GPC5: variants seen among roughly 807,000 people sequenced by gnomAD.
GPC5 encodes glypican-5.
In GPC5, 47 loss-of-function variants were observed where a neutral mutation model predicts 53.9. The ratio of observed to expected loss-of-function variants is 0.87; its 90% CI spans 0.69 to 1.11. The LOEUF (loss-of-function observed/expected upper bound fraction) is 1.11. Among genes scored for constraint, GPC5 ranks in the 50% most tolerant of loss-of-function variants. GPC5 has a pLI of 0.00. For synonymous variants in GPC5, 286 were observed against 263.3 expected (o/e 1.09, Z -0.84); for missense variants, 748 against 713.1 (o/e 1.05, Z -0.56).
At chr13:91,807,658 G>A (rs2038242940) in intron 5 of GPC5, among the ~76,000 whole-genome samples, 1 of 152,032 alleles carries the variant, frequency 6.6e-6, no homozygotes, top group Admixed American at 6.6e-5. Flanking sequence ...GCATTTTTGA[G>A]GAATGACAAT....
chr13:92,023,671 C>CACAG (rs2040776954), intron 6 of GPC5, among the ~76,000 whole-genome samples: 2 of 103,044 alleles, frequency 1.9e-5, no homozygotes, highest in Non-Finnish European at 4.3e-5. Context: ...TGAGGACACA[C>CACAG]ACACACACAC....
At chr13:91,441,119 A>G (rs1363580542) in intron 1 of GPC5, among the ~76,000 whole-genome samples, 1 of 152,030 alleles carries the variant, frequency 6.6e-6, no homozygotes, top group Non-Finnish European at 1.5e-5. Context: ...CTTCCTTCAA[A>G]TATTGACTCC....
intron 7 of GPC5, among the ~76,000 whole-genome samples, chr13:92,720,326 G>A (rs1888471691): frequency 6.6e-6 from 1 of 152,140 alleles, no homozygotes; most frequent in Admixed American, 6.6e-5. Context: ...AAACTAGACT[G>A]AGATAATAAA....
At chr13:92,414,703 G>A (rs893599484) in intron 7 of GPC5, among the ~76,000 whole-genome samples, 3 of 152,102 alleles carry the variant, frequency 2.0e-5, no homozygotes, top group South Asian at 2.1e-4. Flanking sequence ...ACTTATAAAC[G>A]ACAAAAATTT....
intron 7 of GPC5, among the ~76,000 whole-genome samples, chr13:92,477,362 G>T (rs1201918972): frequency 2.0e-5 from 3 of 152,068 alleles, no homozygotes; most frequent in Admixed American, 6.6e-5. Flanking sequence ...CAATACTTTA[G>T]AGTCCTCAGC....
In GPC5 at chr13:92,257,840, A is replaced by G. The variant is rs183607899; in HGVS notation, c.1561+112851A>G. 3.3e-3 allele frequency among the ~76,000 whole-genome samples: 504 copies of G among 152,044 alleles called. 6 individuals are homozygous for G. The highest frequency in any genetic ancestry group is 0.012 in the African/African-American group (490 of 41,446). ...GCTGGGATTACAGGCCTGAGCCACCACGCCTGGCCTACAGGGGTGTTTAGA... is the reference window on the plus strand; with the variant it reads ...GCTGGGATTACAGGCCTGAGCCACCGCGCCTGGCCTACAGGGGTGTTTAGA... On this transcript the variant is annotated intron_variant, in intron 7 of 7. Transcript: ENST00000377067.
intron 2 of GPC5, among the ~76,000 whole-genome samples, chr13:91,641,793 T>C (rs1055635107): frequency 4.6e-5 from 7 of 152,206 alleles, no homozygotes; most frequent in Admixed American, 4.6e-4. Context: ...TGGATGCTTT[T>C]CTAAGGAGTC....
intron 7 of GPC5, among the ~76,000 whole-genome samples, chr13:92,344,481 C>T (rs2043394066): frequency 6.6e-6 from 1 of 152,098 alleles, no homozygotes; most frequent in Non-Finnish European, 1.5e-5. Context: ...AAGGACTTCA[C>T]CCAAAATTTG....
Position 92,028,714 on chromosome 13 carries a change from T to C in GPC5, c.1402-116116T>C, listed in dbSNP as rs760485848. On this transcript the variant is annotated intron_variant, in intron 6 of 7. Transcript: ENST00000377067. Reference sequence around the variant, plus strand: ...CACTTAAAATATAATCTTGTCACTCTACTAACTCTTTTGAATATCTGTGGT... The same window carrying C: ...CACTTAAAATATAATCTTGTCACTCCACTAACTCTTTTGAATATCTGTGGT... 6.4e-4 allele frequency among the ~76,000 whole-genome samples: 98 copies of C among 152,234 alleles called. 2 individuals carry two copies. The highest frequency in any genetic ancestry group is 2.4e-4 in the Non-Finnish European group (16 of 68,042).
chr13:92,279,393 G>T (rs899591571), intron 7 of GPC5, among the ~76,000 whole-genome samples: 1 of 151,976 alleles, frequency 6.6e-6, no homozygotes, highest in Non-Finnish European at 1.5e-5. Flanking sequence ...TACTGGATTT[G>T]TTAAATATTG....
chr13:92,338,871 C>T (rs1259372267), intron 7 of GPC5, among the ~76,000 whole-genome samples: 1 of 151,904 alleles, frequency 6.6e-6, no homozygotes, highest in East Asian at 1.9e-4. Flanking sequence ...ACAGTAAATC[C>T]TAACGTAAAC....
At chr13:92,320,686 G>A (rs530761870) in intron 7 of GPC5, among the ~76,000 whole-genome samples, 18 of 152,132 alleles carry the variant, frequency 1.2e-4, no homozygotes, top group East Asian at 5.8e-4. Context: ...TAATCAAAGC[G>A]GCAACCTTCT....
At chr13:91,465,255 A>G (rs532407599) in intron 2 of GPC5, among the ~76,000 whole-genome samples, 7 of 152,302 alleles carry the variant, frequency 4.6e-5, no homozygotes, top group Non-Finnish European at 1.0e-4. Context: ...AGTAAAATGC[A>G]TACTTTTTAG....
chr13:91,455,258 A>T (rs986179220), intron 2 of GPC5, among the ~76,000 whole-genome samples: 1 of 152,072 alleles, frequency 6.6e-6, no homozygotes, highest in Non-Finnish European at 1.5e-5. Flanking sequence ...GCACTTGTTT[A>T]CTTTACTAGA....
chr13:92,656,189 G>C (rs950690771), intron 7 of GPC5, among the ~76,000 whole-genome samples: 1 of 152,178 alleles, frequency 6.6e-6, no homozygotes, highest in Non-Finnish European at 1.5e-5. Context: ...AGGGCAGAGT[G>C]GAAGGTAGTT....
At chr13:92,663,725 TAA>T in intron 7 of GPC5, among the ~76,000 whole-genome samples, 2 of 124,006 alleles carry the variant, frequency 1.6e-5, no homozygotes, top group South Asian at 3.0e-4. Flanking sequence ...ATATATCTAC[TAA>T]ATATATCTAC....
chr13:92,023,648 A>C (rs1483240223), intron 6 of GPC5, among the ~76,000 whole-genome samples: 2 of 145,404 alleles, frequency 1.4e-5, no homozygotes, highest in African/African-American at 5.0e-5. Context: ...TGTCCTTAAA[A>C]ATCCTCCTTT....
chr13:92,262,089 C>T (rs1234646043), intron 7 of GPC5, among the ~76,000 whole-genome samples: 1 of 152,062 alleles, frequency 6.6e-6, no homozygotes, highest in Non-Finnish European at 1.5e-5. Flanking sequence ...AAAATACCTG[C>T]CTATATTTGA....
At chr13:91,972,521 GGTCATTTTGCTT>G (rs2040253563) in intron 6 of GPC5, among the ~76,000 whole-genome samples, 1 of 152,070 alleles carries the variant, frequency 6.6e-6, no homozygotes, top group Non-Finnish European at 1.5e-5. Flanking sequence ...GATGTTAGCT[GGTCATTTTGCTT>G]GTTAGTTGAT....
Sources: gnomAD v4.1 joint callset for allele counts (sites outside exome capture counted in the v4.1 genomes callset) on GRCh38, gnomAD v4.1.1 for gene constraint, MANE v1.5 for transcripts, NCBI Gene and HGNC (gene_info 2026-07-23, HGNC 2026-07-21) for gene names.